Variants in TC2N observed in about 807,000 individuals in gnomAD.
TC2N encodes the protein tandem C2 domains nuclear protein.
Under a neutral mutation model 61.9 loss-of-function variants are expected in TC2N, and 51 were observed. The ratio of observed to expected loss-of-function variants is 0.82; its 90% CI spans 0.66 to 1.04. The LOEUF is 1.04. Among genes scored for constraint, TC2N ranks in the 50% least tolerant of loss-of-function variants. The probability of loss-of-function intolerance (pLI) is 0.00; values close to 1 mark genes in which losing one functional copy is unlikely to be tolerated. For missense variants in TC2N, 556 were observed against 566.7 expected, an observed-to-expected ratio of 0.98 and a Z score of 0.19; for synonymous variants, 204 against 192.6, an observed-to-expected ratio of 1.06 and a Z score of -0.49.
intron 1 of TC2N, among the ~76,000 whole-genome samples, chr14:91,840,255 GT>G (rs574826355): frequency 6.6e-6 from 1 of 152,072 alleles, no homozygotes; most frequent in Admixed American, 6.6e-5. Flanking sequence ...AATATTTGGG[GT>G]TTTTTTCTAA....
intron 11 of TC2N, among the ~76,000 whole-genome samples, chr14:91,784,212 C>T (rs1885253613): frequency 6.6e-6 from 1 of 152,054 alleles, no homozygotes; most frequent in South Asian, 2.1e-4. Flanking sequence ...AGTAAATTTC[C>T]TATTCCATTC....
In TC2N at chr14:91,821,504, A is replaced by C. The variant is rs184245823; in HGVS notation, c.-56-7679T>G. On this transcript the variant is annotated intron_variant, in intron 1 of 11. Coordinates refer to ENST00000435962, the MANE Select transcript of TC2N (RefSeq NM_001128596.3). ...CACCATATACAAAAACTAACTCAAA[A>C]CTGATTATGCACCTATATGTAAGAG... 3.9e-5 allele frequency among the ~76,000 whole-genome samples: 6 copies of C among 152,142 alleles called. No individual in the cohort carries two copies. The East Asian group carries it at 1.2e-3, about 29-fold the overall frequency.
chr14:91,840,640 AGTCTAGTATATATTCAG>A (rs1888146628), intron 1 of TC2N, among the ~76,000 whole-genome samples: 2 of 152,184 alleles, frequency 1.3e-5, no homozygotes, highest in Admixed American at 6.5e-5. Flanking sequence ...TGTTACTCAA[AGTCTAGTATATATTCAG>A]GAAAAGAGAA....
chr14:91,824,581 C>T (rs1452178127), intron 1 of TC2N, among the ~76,000 whole-genome samples: 1 of 152,210 alleles, frequency 6.6e-6, no homozygotes, highest in African/African-American at 2.4e-5. Context: ...CACTTACAAG[C>T]ATTTATTGAG....
intron 1 of TC2N, among the ~76,000 whole-genome samples, chr14:91,852,290 G>C (rs1160589567): frequency 6.6e-6 from 1 of 152,200 alleles, no homozygotes; most frequent in African/African-American, 2.4e-5. Flanking sequence ...CCTTAGCCGG[G>C]TGTGGTGGTG....
At chr14:91,847,087 A>G (rs1888285613) in intron 1 of TC2N, among the ~76,000 whole-genome samples, 1 of 152,108 alleles carries the variant, frequency 6.6e-6, no homozygotes, top group Non-Finnish European at 1.5e-5. Flanking sequence ...GTGAAACACC[A>G]TTCTACTAAA....
At chr14:91,836,958 TAA>T (rs1888049440) in intron 1 of TC2N, among the ~76,000 whole-genome samples, 1 of 152,214 alleles carries the variant, frequency 6.6e-6, no homozygotes, top group Admixed American at 6.5e-5. Context: ...AGAGTTTTTA[TAA>T]AAAGTCTATA....
At chr14:91,788,430 G>A (rs1885468699) in intron 9 of TC2N, among the ~76,000 whole-genome samples, 1 of 152,178 alleles carries the variant, frequency 6.6e-6, no homozygotes, top group Non-Finnish European at 1.5e-5. Context: ...TTGTTTACAT[G>A]TTGAAAAGAG....
intron 1 of TC2N, among the ~76,000 whole-genome samples, chr14:91,836,013 A>C (rs971673664): frequency 2.0e-5 from 3 of 151,730 alleles, no homozygotes; most frequent in African/African-American, 7.3e-5. Flanking sequence ...CCCGTCGCCC[A>C]CCCCTGGTGC....
chr14:91,785,290 C>T lies in TC2N; in HGVS notation c.1234G>A (p.Ala412Thr), dbSNP rs917844629. The change falls in exon 11 of 12, where the codon GCC becomes ACC. Residue 412 changes from alanine (A) to threonine (T), a missense_variant. Physicochemically the swap from Ala to Thr is moderately conservative, Grantham distance 58. Transcript: ENST00000435962. ...IYKKKTRLLK[A>T]SNGRVKWGET... ...CCCCACTTGACTCTTCCATTGGAGGCCTTCAGTAAGCGTGTCTTTTTCTTA... is the reference window on the plus strand; with the variant it reads ...CCCCACTTGACTCTTCCATTGGAGGTCTTCAGTAAGCGTGTCTTTTTCTTA... 1 of 1,613,690 alleles carries T rather than the reference C, an allele frequency of 6.2e-7. No homozygotes were observed. Among genetic ancestry groups the T allele is most frequent in the Non-Finnish European group, 8.5e-7 (1 of 1,179,760 alleles).
At chr14:91,805,695 A>G (rs1886478395) in intron 3 of TC2N, among the ~76,000 whole-genome samples, 1 of 152,182 alleles carries the variant, frequency 6.6e-6, no homozygotes. Context: ...GTAAAAAGTT[A>G]CAGTAAGCTA....
intron 1 of TC2N, among the ~76,000 whole-genome samples, chr14:91,841,688 A>T (rs1047084598): frequency 4.6e-5 from 7 of 152,208 alleles, no homozygotes; most frequent in African/African-American, 1.7e-4. Flanking sequence ...CCACTCCAGC[A>T]GTTAGACATG....
chr14:91,840,121 G>A (rs1048031405), intron 1 of TC2N, among the ~76,000 whole-genome samples: 1 of 152,168 alleles, frequency 6.6e-6, no homozygotes, highest in South Asian at 2.1e-4. Context: ...CTCACAATAC[G>A]ACAAGATGGG....
chr14:91,830,907 C>T (rs1357563085), intron 1 of TC2N, among the ~76,000 whole-genome samples: 1 of 152,034 alleles, frequency 6.6e-6, no homozygotes, highest in African/African-American at 2.4e-5. Context: ...GTGAGTTTTT[C>T]GCCCTTCTCG....
intron 9 of TC2N, among the ~76,000 whole-genome samples, chr14:91,788,444 G>A (rs1247089448): frequency 6.6e-6 from 1 of 152,144 alleles, no homozygotes; most frequent in Non-Finnish European, 1.5e-5. Flanking sequence ...AAAAGAGTAA[G>A]AATAGGAATA....
rs142899848 is a variant in TC2N at position 91,830,965 on chromosome 14, T to C, written c.-56-17140A>G. Among the ~76,000 whole-genome samples the C allele has an allele frequency of 2.2e-4, 33 of 152,292 alleles. No homozygotes were observed. In the East Asian group the frequency reaches 4.4e-3, roughly 20 times the overall value. The stretch of plus-strand genomic sequence containing the variant: ...CCCAGAATTAGCCTCTTAGCCTACA[T>C]TGAATGAGCCCTGGGCTGACTTCCA... On this transcript the variant is annotated intron_variant, in intron 1 of 11. Coordinates refer to ENST00000435962, the MANE Select transcript of TC2N (RefSeq NM_001128596.3).
chr14:91,862,701 A>T (rs1395445173), intron 1 of TC2N, among the ~76,000 whole-genome samples: 1 of 152,192 alleles, frequency 6.6e-6, no homozygotes, highest in African/African-American at 2.4e-5. Context: ...ACTCCAAATG[A>T]GGCAGCCTGC....
At chr14:91,824,405 C>A (rs1887400488) in intron 1 of TC2N, among the ~76,000 whole-genome samples, 1 of 152,194 alleles carries the variant, frequency 6.6e-6, no homozygotes, top group African/African-American at 2.4e-5. Flanking sequence ...ATGGTATTCT[C>A]ACAAATAAAG....
intron 5 of TC2N, among the ~76,000 whole-genome samples, chr14:91,799,823 C>T (rs1886129873): frequency 6.6e-6 from 1 of 152,032 alleles, no homozygotes; most frequent in Non-Finnish European, 1.5e-5. Flanking sequence ...TTACAGTTTA[C>T]TTGTAATAAA....
Sources: allele counts gnomAD v4.1 joint callset (sites outside exome capture counted in the v4.1 genomes callset), GRCh38; gene constraint gnomAD v4.1.1; transcripts MANE v1.5; gene names NCBI Gene and HGNC (gene_info 2026-07-23, HGNC 2026-07-21).